The following CAPZB variants were observed in gnomAD, a reference collection of about 807,000 sequenced individuals.
CAPZB encodes capping actin protein of muscle Z-line subunit beta.
In CAPZB, 2 loss-of-function variants were observed where a neutral mutation model predicts 38.1. The observed-to-expected ratio is 0.05, with a 90% confidence interval of 0.02 to 0.17. The LOEUF is 0.17. CAPZB is among the 10% of genes least tolerant of loss of function. The pLI is 1.00. For synonymous variants in CAPZB, 107 were observed against 127.4 expected, an observed-to-expected ratio of 0.84 and a Z score of 1.08; for missense variants, 161 against 334.2, an observed-to-expected ratio of 0.48 and a Z score of 4.04.
Position 19,339,468 on chromosome 1 carries a change from G to T in CAPZB, c.*62C>A, listed in dbSNP as rs1169555986. The T allele has an allele frequency of 1.6e-6, 2 of 1,260,326 alleles. No homozygotes were observed. The highest frequency in any genetic ancestry group is 1.2e-5 in the South Asian group (1 of 84,026). 78.1% of individuals were successfully genotyped at this position (1,260,326 alleles called of 1,614,324 possible). A position where few individuals can be genotyped will look rare whatever the true frequency, so the allele number is the denominator to read the frequency against. On this transcript the variant is annotated 3_prime_UTR_variant, in exon 9 of 9. Coordinates refer to ENST00000264202, the MANE Select transcript of CAPZB (RefSeq NM_004930.5). ...GGGACGAGGGAAGGGAGCAGAAAAC[G>T]AGTTTTCTAAGAAAGGAATCTAACG...
intron 6 of CAPZB, among the ~76,000 whole-genome samples, chr1:19,347,484 GC>G (rs981052465): frequency 6.6e-6 from 1 of 152,130 alleles, no homozygotes; most frequent in African/African-American, 2.4e-5. Flanking sequence ...CATTTCCACA[GC>G]CCCCCACCCA....
intron 8 of CAPZB, among the ~76,000 whole-genome samples, chr1:19,342,387 T>TG (rs573025387): frequency 6.6e-5 from 10 of 152,240 alleles, no homozygotes; most frequent in African/African-American, 1.7e-4. Context: ...CTCTGAAGCA[T>TG]GGGGGGGTGG....
chr1:19,385,534 A>G lies in CAPZB; in HGVS notation c.186T>C (p.Cys62=), dbSNP rs1202928008. ...DKVVGKDYLL[C]DYNRDGDSYR... ...AGGAGTCCCCATCTCTGTTGTAGTC[A>G]CACAAAAGGTAATCCTTTCCCACCA... The change falls in exon 3 of 9, where the codon TGT becomes TGC. Residue 62 remains cysteine (C), a synonymous_variant. Transcript: ENST00000264202. 1.2e-6 allele frequency: 2 copies of G among 1,613,564 alleles called. No individual in the cohort carries two copies. The highest frequency in any genetic ancestry group is 2.7e-5 in the African/African-American group (2 of 75,010).
chr1:19,345,070 C>T (rs1046421550), intron 7 of CAPZB, 117 bp downstream of exon 7: 41 of 798,856 alleles, frequency 5.1e-5, no homozygotes, highest in Non-Finnish European at 7.0e-5. Context: ...AGCGCTCTGC[C>T]GGCTGCGGTG....
At chr1:19,408,722 G>A (rs1275762303) in intron 2 of CAPZB, among the ~76,000 whole-genome samples, 1 of 152,194 alleles carries the variant, frequency 6.6e-6, no homozygotes, top group African/African-American at 2.4e-5. Flanking sequence ...CCTGCACTTC[G>A]CAGAGTGGGG....
At chr1:19,353,129 G>A (rs1017772874) in intron 6 of CAPZB, among the ~76,000 whole-genome samples, 4 of 152,252 alleles carry the variant, frequency 2.6e-5, no homozygotes, top group Non-Finnish European at 5.9e-5. Context: ...GGCAGGCTGG[G>A]CCACAGGACC....
intron 2 of CAPZB, 42 bp downstream of exon 2, chr1:19,419,619 T>C (rs745352495): frequency 4.3e-6 from 5 of 1,174,004 alleles, no homozygotes; most frequent in East Asian, 2.5e-5. Flanking sequence ...AACTAACTCT[T>C]AGCCGCAGTC....
intron 1 of CAPZB, among the ~76,000 whole-genome samples, chr1:19,468,564 G>C (rs2094575953): frequency 6.6e-6 from 1 of 152,124 alleles, no homozygotes; most frequent in Non-Finnish European, 1.5e-5. Context: ...CGGCAGGGTG[G>C]GGCGGAGCAG....
At chr1:19,449,783 CAAAAA>C (rs66655807) in intron 1 of CAPZB, among the ~76,000 whole-genome samples, 1 of 87,926 alleles carries the variant, frequency 1.1e-5, no homozygotes. Context: ...GAGTCTGTCT[CAAAAA>C]AAAAAAAAAA....
intron 2 of CAPZB, among the ~76,000 whole-genome samples, chr1:19,391,213 A>C (rs1183940473): frequency 6.6e-6 from 1 of 152,036 alleles, no homozygotes; most frequent in Non-Finnish European, 1.5e-5. Flanking sequence ...ATTAGTTATT[A>C]ATGTTGAAAA....
chr1:19,439,516 T>C (rs1327240715), intron 1 of CAPZB, among the ~76,000 whole-genome samples: 2 of 152,200 alleles, frequency 1.3e-5, no homozygotes, highest in Non-Finnish European at 2.9e-5. Flanking sequence ...ATGGGGAAAA[T>C]GCACCATGTC....
At chr1:19,340,792 A>G (rs1039687879) in intron 8 of CAPZB, among the ~76,000 whole-genome samples, 1 of 152,218 alleles carries the variant, frequency 6.6e-6, no homozygotes, top group Non-Finnish European at 1.5e-5. Context: ...CATTTTGTCA[A>G]ATTTACCCAA....
At chr1:19,472,343 T>C (rs1181965766) in intron 1 of CAPZB, among the ~76,000 whole-genome samples, 2 of 152,188 alleles carry the variant, frequency 1.3e-5, no homozygotes, top group Admixed American at 6.6e-5. Flanking sequence ...TCAACATCTC[T>C]GGGTGGCTCA....
chr1:19,480,962 T>C (rs565970021), intron 1 of CAPZB, among the ~76,000 whole-genome samples: 1 of 152,286 alleles, frequency 6.6e-6, no homozygotes, highest in South Asian at 2.1e-4. Context: ...TGGAAAATGG[T>C]GATAATAACA....
chr1:19,415,329 C>A (rs757554778), intron 2 of CAPZB, among the ~76,000 whole-genome samples: 1 of 152,176 alleles, frequency 6.6e-6, no homozygotes, highest in Non-Finnish European at 1.5e-5. Flanking sequence ...CTGACTGATC[C>A]CAGATTACAC....
At chr1:19,342,634 AC>A in intron 8 of CAPZB, 1 of 685,564 alleles carries the variant, frequency 1.5e-6, no homozygotes, top group East Asian at 2.7e-5. Flanking sequence ...CCGGGAGCAC[AC>A]GTGGGGGTTA....
At position 19,408,685 on chromosome 1, in the gene CAPZB, G is replaced by A. The variant is rs79601729; in HGVS notation, c.93+10976C>T. Among the ~76,000 whole-genome samples, 620 of 152,336 alleles carry A rather than the reference G, an allele frequency of 4.1e-3. 18 individuals carry two copies. The East Asian group carries it at 0.097, about 24-fold the overall frequency. On this transcript the variant is annotated intron_variant, in intron 2 of 8. Coordinates refer to ENST00000264202, the MANE Select transcript of CAPZB (RefSeq NM_004930.5). ...TTTAGTTCTAGGCAACAGACCTCCA[G>A]TTCTGAGAGACTGAGAGACCATCAG...
chr1:19,413,663 G>T (rs546981239), intron 2 of CAPZB, among the ~76,000 whole-genome samples: 100 of 152,316 alleles, frequency 6.6e-4, no homozygotes, highest in African/African-American at 2.3e-3. Flanking sequence ...TGTTGTCTTT[G>T]AAATAAAGGA....
intron 1 of CAPZB, among the ~76,000 whole-genome samples, chr1:19,480,183 C>CCT (rs1206142203): frequency 3.3e-5 from 5 of 152,114 alleles, no homozygotes; most frequent in Non-Finnish European, 7.3e-5. Context: ...CTTGCCTCCC[C>CCT]CTCCCAGATT....
Sources: allele counts gnomAD v4.1 joint callset (sites outside exome capture counted in the v4.1 genomes callset), GRCh38; gene constraint gnomAD v4.1.1; transcripts MANE v1.5; gene names NCBI Gene and HGNC (gene_info 2026-07-23, HGNC 2026-07-21).